AMN: variants seen among roughly 807,000 people sequenced by gnomAD.
AMN encodes the protein protein amnionless.
Under a neutral mutation model 49.1 loss-of-function variants are expected in AMN, and 40 were observed. That is an observed-to-expected ratio of 0.81 (90% CI 0.63 to 1.06). The LOEUF is 1.06. Among genes scored for constraint, AMN ranks in the 50% least tolerant of loss-of-function variants. AMN has a pLI of 0.00. For synonymous variants in AMN, 380 were observed against 313.3 expected (o/e 1.21, Z -2.25); for missense variants, 701 against 662.8 (o/e 1.06, Z -0.63).
chr14:102,923,869 C>A (rs1448544258), intron 2 of AMN, 40 bp downstream of exon 2: 1 of 1,612,588 alleles, frequency 6.2e-7, no homozygotes, highest in Non-Finnish European at 8.5e-7. Context: ...TGGGCCTGGA[C>A]CCCTGAGACC....
chr14:102,926,503 G>A (rs1458999487), intron 3 of AMN, among the ~76,000 whole-genome samples: 2 of 151,850 alleles, frequency 1.3e-5, no homozygotes, highest in African/African-American at 2.4e-5. Context: ...AAGGTTCTTT[G>A]TGGATCTCAT....
chr14:102,929,456 T>TCCAGCCCCTGGGCGGCCGCTGCC lies in AMN; in HGVS notation c.683_705dup (p.Gln236SerfsTer32), dbSNP rs1335752004. On this transcript the variant is annotated frameshift_variant, in exon 7 of 12. Coordinates refer to ENST00000299155, the MANE Select transcript of AMN (RefSeq NM_030943.4). LOFTEE classifies it high-confidence loss of function. ...CAGCCGTGGATCTGCGCGGCCCTGC[T>TCCAGCCCCTGGGCGGCCGCTGCC]CCAGCCCCTGGGCGGCCGCTGCCCC... 7 of 1,531,216 alleles carry TCCAGCCCCTGGGCGGCCGCTGCC rather than the reference T, an allele frequency of 4.6e-6. No homozygotes were observed. In the South Asian group the frequency reaches 7.2e-5, roughly 16 times the overall value. The allele number at this position is 1,531,216 out of a possible 1,614,324, so 94.9% of individuals were successfully genotyped here.
In AMN at chr14:102,923,774, G is replaced by GGAGCCA. The variant is rs1566825513; in HGVS notation, c.110_115dup (p.Ser37_Gln38dup). ...ACGGACTTCGACGTCGCAGCCAACTGGAGCCAGAACCGGACCCCGTGCGCC... is the reference window on the plus strand; with the variant it reads ...ACGGACTTCGACGTCGCAGCCAACTGGAGCCAGAGCCAGAACCGGACCCCGTGCGCC... On this transcript the variant is annotated inframe_insertion, in exon 2 of 12. Transcript: ENST00000299155. The GGAGCCA allele has an allele frequency of 6.2e-7, 1 of 1,612,790 alleles. No individual in the cohort carries two copies. Among genetic ancestry groups the GGAGCCA allele is most frequent in the Non-Finnish European group, 8.5e-7 (1 of 1,179,886 alleles).
Position 102,930,006 on chromosome 14 carries a change from T to G in AMN, c.926T>G (p.Val309Gly). The G allele has an allele frequency of 6.4e-7, 1 of 1,558,690 alleles. No individual in the cohort carries two copies. The highest frequency in any genetic ancestry group is 8.7e-7 in the Non-Finnish European group (1 of 1,152,338). The change falls in exon 9 of 12, where the codon GTG (valine) becomes GGG (glycine). Residue 309 changes from valine (V) to glycine (G), a missense_variant. Coordinates refer to ENST00000299155, the MANE Select transcript of AMN (RefSeq NM_030943.4). Reference protein sequence around the residue: ...RLREADTEIQVVLVENGPETG... With the variant: ...RLREADTEIQGVLVENGPETG... ...CGTGAGGCCGATACGGAGATCCAGGTGGTGCTGGTGGAGAATGGGCCCGAG... is the reference window on the plus strand; with the variant it reads ...CGTGAGGCCGATACGGAGATCCAGGGGGTGCTGGTGGAGAATGGGCCCGAG...
rs765829662 is a variant in AMN at position 102,930,680 on chromosome 14, AGC to A, written c.*2_*3del. ...TCGCCGGGGCCGAGGCCGAGGCCTGAGCGGCCGCCTGACCGTCGACCTTGGGG... is the reference window on the plus strand; with the variant it reads ...TCGCCGGGGCCGAGGCCGAGGCCTGAGGCCGCCTGACCGTCGACCTTGGGG... On this transcript the variant is annotated 3_prime_UTR_variant, in exon 12 of 12. Transcript: ENST00000299155. 1 of 1,580,476 alleles carries A rather than the reference AGC, an allele frequency of 6.3e-7. No homozygotes were observed. The highest frequency in any genetic ancestry group is 1.3e-5 in the African/African-American group (1 of 74,138).
Position 102,929,886 on chromosome 14 carries a change from G to A in AMN, c.844-38G>A, listed in dbSNP as rs990743801. The A allele has an allele frequency of 2.6e-6, 4 of 1,549,336 alleles. No individual in the cohort carries two copies. In the African/African-American group the frequency reaches 4.1e-5, roughly 16 times the overall value. ...GCGTCCCCATAGGCTCGGGGAGGGC[G>A]GGGGGCTGAGTCAAACCAACCCCGT... On this transcript the variant is annotated intron_variant, in intron 8 of 11. Coordinates refer to ENST00000299155, the MANE Select transcript of AMN (RefSeq NM_030943.4).
chr14:102,923,794 T>A lies in AMN; in HGVS notation c.127T>A (p.Cys43Ser). The change falls in exon 2 of 12, where the codon TGC (cysteine) becomes AGC (serine). Residue 43 changes from cysteine (C) to serine (S), a missense_variant. Cys to Ser is a moderately radical substitution (Grantham distance 112). Coordinates refer to ENST00000299155, the MANE Select transcript of AMN (RefSeq NM_030943.4). ...CAACTGGAGCCAGAACCGGACCCCG[T>A]GCGCCGGCGGCGCCGTTGAGTTCCC... is the stretch of plus-strand genomic sequence containing the variant. ...AANWSQNRTP[C>S]AGGAVEFPAD... 10 of 1,612,654 alleles carry A rather than the reference T, an allele frequency of 6.2e-6. No homozygotes were observed. Among genetic ancestry groups the A allele is most frequent in the Non-Finnish European group, 8.5e-6 (10 of 1,179,834 alleles).
chr14:102,925,469 G>A (rs1035425571), intron 3 of AMN, among the ~76,000 whole-genome samples: 4 of 152,224 alleles, frequency 2.6e-5, no homozygotes, highest in African/African-American at 9.6e-5. Context: ...GAGGAGGGCA[G>A]GGAGAGGGAG....
chr14:102,926,739 T>C (rs1426860197), intron 3 of AMN, among the ~76,000 whole-genome samples: 1 of 151,884 alleles, frequency 6.6e-6, no homozygotes, highest in Non-Finnish European at 1.5e-5. Context: ...GGAATTTTGA[T>C]TGGGATAAAT....
chr14:102,930,557 T>C lies in AMN; in HGVS notation c.1258-19T>C. The stretch of plus-strand genomic sequence containing the variant: ...CCGGGACTCGGCGCCGACCGCCGCC[T>C]GACCCTGTCACCCCGCAGCCCCTGC... On this transcript the variant is annotated intron_variant, in intron 11 of 11. Coordinates refer to ENST00000299155, the MANE Select transcript of AMN (RefSeq NM_030943.4). 3.2e-6 allele frequency: 5 copies of C among 1,558,492 alleles called. No individual in the cohort carries two copies. Among genetic ancestry groups the C allele is most frequent in the Non-Finnish European group, 3.5e-6 (4 of 1,153,074 alleles).
chr14:102,925,506 C>T (rs1283316071), intron 3 of AMN, among the ~76,000 whole-genome samples: 2 of 152,168 alleles, frequency 1.3e-5, no homozygotes, highest in Non-Finnish European at 2.9e-5. Flanking sequence ...GCCCGGCCCC[C>T]AGAACCCACG....
At chr14:102,927,981 A>C (rs1306483709) in intron 3 of AMN, among the ~76,000 whole-genome samples, 5 of 152,040 alleles carry the variant, frequency 3.3e-5, no homozygotes, top group African/African-American at 1.2e-4. Flanking sequence ...ACACACCAAG[A>C]GCGCGGCCTC....
chr14:102,927,462 G>A lies in AMN; in HGVS notation c.208-964G>A, dbSNP rs181007172. On this transcript the variant is annotated intron_variant, in intron 3 of 11. Transcript: ENST00000299155. ...GGCGCTTTGAGCTATGACACATTCC[G>A]TCCCCACGGCTCCACCTCTGCACCT... Among the ~76,000 whole-genome samples the A allele has an allele frequency of 4.6e-5, 7 of 152,268 alleles. No individual in the cohort carries two copies. The East Asian group carries it at 7.7e-4, about 17-fold the overall frequency.
At position 102,923,585 on chromosome 14, in the gene AMN, G is replaced by C. The variant is rs997987823; in HGVS notation, c.44-126G>C. 80 of 915,184 alleles carry C rather than the reference G, an allele frequency of 8.7e-5. 2 individuals carry two copies. Among genetic ancestry groups the C allele is most frequent in the South Asian group, 7.6e-4 (57 of 74,876 alleles). 56.7% of individuals were successfully genotyped at this position (915,184 alleles called of 1,614,324 possible). ...ACCAGGGTCTGGGTCCGGGCCCCCG[G>C]GGATGGGGTTCCTATGCGTCCCGGG... On this transcript the variant is annotated intron_variant, in intron 1 of 11. Transcript: ENST00000299155.
rs776734357 is a variant in AMN, at chr14:102,922,663, G to T, written c.-26G>T. On this transcript the variant is annotated 5_prime_UTR_variant, in exon 1 of 12. Transcript: ENST00000299155. Reference sequence around the variant, plus strand: ...TGGGTCCAGTGGGGCAAAGTCTCCTGGTGGGGTGCAAGGAGCCGAGGCGAG... The same window carrying T: ...TGGGTCCAGTGGGGCAAAGTCTCCTTGTGGGGTGCAAGGAGCCGAGGCGAG... 72 of 1,595,226 alleles carry T rather than the reference G, an allele frequency of 4.5e-5. No homozygotes were observed. The highest frequency in any genetic ancestry group is 1.7e-5 in the Admixed American group (1 of 57,576).
rs1307606021 is a variant in AMN, at chr14:102,930,157, C to T, written c.1007-8C>T. On this transcript the variant is annotated splice_region_variant and splice_polypyrimidine_tract_variant and intron_variant, in intron 9 of 11. Coordinates refer to ENST00000299155, the MANE Select transcript of AMN (RefSeq NM_030943.4). ...GCGGGGAAGACTGAGCCGGCCCCTC[C>T]GTCGCAGGCGAGGCCCTCGGCGTCC... 7 of 1,490,732 alleles carry T rather than the reference C, an allele frequency of 4.7e-6. No individual in the cohort carries two copies. The South Asian group carries it at 5.1e-5, about 11-fold the overall frequency. The allele number at this position is 1,490,732 out of a possible 1,614,324, so 92.3% of individuals were successfully genotyped here. A position where few individuals can be genotyped will look rare whatever the true frequency, so the allele number is the denominator to read the frequency against.
chr14:102,923,618 C>A, intron 1 of AMN, 93 bp from the exon 2 acceptor site: 1 of 1,158,676 alleles, frequency 8.6e-7, no homozygotes, highest in Non-Finnish European at 1.3e-6. Context: ...GGGTGATCCG[C>A]GCGGACCTTC....
At chr14:102,928,323 T>G (rs1340053526) in intron 3 of AMN, 103 bp from the exon 4 acceptor site, 12 of 1,095,572 alleles carry the variant, frequency 1.1e-5, no homozygotes, top group Non-Finnish European at 1.2e-5. Context: ...GCTCCTTCCG[T>G]GCACAGGGTC....
At chr14:102,924,353 C>G (rs1230528639) in intron 3 of AMN, among the ~76,000 whole-genome samples, 1 of 151,934 alleles carries the variant, frequency 6.6e-6, no homozygotes, top group South Asian at 2.1e-4. Flanking sequence ...CAACACCCCC[C>G]CCTCTACCCA....
Sources: allele counts gnomAD v4.1 joint callset (sites outside exome capture counted in the v4.1 genomes callset), GRCh38; gene constraint gnomAD v4.1.1; transcripts MANE v1.5; gene names NCBI Gene and HGNC (gene_info 2026-07-23, HGNC 2026-07-21).